MIDEAS: variants seen among roughly 807,000 people sequenced by gnomAD.
MIDEAS encodes the protein mitotic deacetylase associated SANT domain protein, also known as mitotic deacetylase-associated SANT domain protein.
MIDEAS carries 26 observed loss-of-function variants against 102.7 expected under a neutral mutation model. The observed-to-expected ratio is 0.25, with a 90% CI of 0.19 to 0.35. The LOEUF is 0.35. Ranked by LOEUF, MIDEAS falls within the 10% of genes least tolerant of loss-of-function variation. The pLI, the probability that MIDEAS is intolerant of heterozygous loss-of-function variation, is 1.00. For synonymous variants in MIDEAS, 585 were observed against 591.0 expected, an observed-to-expected ratio of 0.99 and a Z score of 0.15; for missense variants, 1,231 against 1,435.6, an observed-to-expected ratio of 0.86 and a Z score of 2.30.
rs1298411800 is a variant in MIDEAS at position 73,737,151 on chromosome 14, A to G, written c.1596T>C (p.Pro532=). The G allele has an allele frequency of 5.0e-6, 8 of 1,614,184 alleles. No individual in the cohort carries two copies. Among genetic ancestry groups the G allele is most frequent in the Non-Finnish European group, 6.8e-6 (8 of 1,180,026 alleles). ...MVPLIIPVSV[P]VRTVDPTEAA... ...CCTCAGTTGGGTCCACAGTTCGCACAGGCACAGACACTGGGATGATGAGGG... is the reference window on the plus strand; with the variant it reads ...CCTCAGTTGGGTCCACAGTTCGCACGGGCACAGACACTGGGATGATGAGGG... The change falls in exon 3 of 13, where the codon CCT becomes CCC. Residue 532 remains proline (P), a synonymous_variant. Coordinates refer to ENST00000423556, the MANE Select transcript of MIDEAS (RefSeq NM_001367710.1).
chr14:73,731,962 G>A (rs2140111008), intron 3 of MIDEAS, among the ~76,000 whole-genome samples: 1 of 152,366 alleles, frequency 6.6e-6, no homozygotes, highest in East Asian at 1.9e-4. Flanking sequence ...TGTAGTACAA[G>A]TACTCACAGG....
chr14:73,784,564 C>T (rs1202269715), intron 1 of MIDEAS, among the ~76,000 whole-genome samples: 3 of 152,226 alleles, frequency 2.0e-5, no homozygotes, highest in Non-Finnish European at 1.5e-5. Flanking sequence ...ACACAAAGCA[C>T]TGCAAACTCA....
chr14:73,727,078 G>A lies in MIDEAS; in HGVS notation c.2163-106C>T. ...GATGAGGGGGAGCCGGCAGAGCAAG[G>A]CCTCAGCTAGGTGTAGGGAGTCTGG... On this transcript the variant is annotated intron_variant, in intron 5 of 12. Coordinates refer to ENST00000423556, the MANE Select transcript of MIDEAS (RefSeq NM_001367710.1). 3 of 1,396,778 alleles carry A rather than the reference G, an allele frequency of 2.1e-6. No homozygotes were observed. The South Asian group carries it at 4.2e-5, about 19-fold the overall frequency. The allele number at this position is 1,396,778 out of a possible 1,614,324, so 86.5% of individuals were successfully genotyped here. A position where few individuals can be genotyped will look rare whatever the true frequency, so the allele number is the denominator to read the frequency against.
At chr14:73,719,222 T>TCCCCCGGCCCCCC in intron 12 of MIDEAS, 83 bp downstream of exon 12, 1 of 1,497,114 alleles carries the variant, frequency 6.7e-7, no homozygotes, top group Non-Finnish European at 8.9e-7. Flanking sequence ...CTGTACCTCT[T>TCCCCCGGCCCCCC]CCCCCTCCCC....
At chr14:73,766,101 C>T (rs955578011) in intron 1 of MIDEAS, among the ~76,000 whole-genome samples, 2 of 152,250 alleles carry the variant, frequency 1.3e-5, no homozygotes, top group Non-Finnish European at 2.9e-5. Flanking sequence ...GCACCCAAAC[C>T]TCTGTCTTTG....
At chr14:73,747,719 T>A (rs767876653) in intron 1 of MIDEAS, among the ~76,000 whole-genome samples, 4 of 151,626 alleles carry the variant, frequency 2.6e-5, no homozygotes, top group Non-Finnish European at 5.9e-5. Flanking sequence ...AAGAGCACGA[T>A]GGGGAATCTA....
At chr14:73,763,684 C>G (rs138844905), upstream of MIDEAS, among the ~76,000 whole-genome samples, 3 of 152,264 alleles carry the variant, frequency 2.0e-5, no homozygotes, top group East Asian at 5.8e-4. Flanking sequence ...GTCCCTATGT[C>G]CCTTGTGTTC....
At chr14:73,752,011 G>T (rs2053426075) in intron 1 of MIDEAS, among the ~76,000 whole-genome samples, 1 of 152,152 alleles carries the variant, frequency 6.6e-6, no homozygotes, top group Non-Finnish European at 1.5e-5. Context: ...GGTCAAATCA[G>T]GTCTCTGCTT....
chr14:73,777,898 G>A (rs2053705979), intron 1 of MIDEAS, among the ~76,000 whole-genome samples: 1 of 151,958 alleles, frequency 6.6e-6, no homozygotes, highest in South Asian at 2.1e-4. Context: ...GACTTTTGTA[G>A]ATGTTTGTCT....
At chr14:73,743,767 G>A (rs1003052512) in intron 1 of MIDEAS, among the ~76,000 whole-genome samples, 11 of 152,078 alleles carry the variant, frequency 7.2e-5, no homozygotes, top group Admixed American at 1.3e-4. Context: ...CAGCTGCAGG[G>A]CCTCTGACAA....
intron 5 of MIDEAS, 132 bp from the exon 6 acceptor site, chr14:73,727,104 C>A: frequency 8.6e-7 from 1 of 1,164,704 alleles, no homozygotes; most frequent in Non-Finnish European, 1.2e-6. Flanking sequence ...GGGAGTCTGG[C>A]TTCTAGGGGC....
Position 73,722,740 on chromosome 14 carries a change from G to C in MIDEAS, c.2682C>G (p.Ser894Arg). ...GTLTFGDVDT[S>R]DEKSAQEEVE... ...CCTCTTCCTGGGCCGACTTCTCATC[G>C]CTCGTATCCACATCCCCAAAGGTTA... The change falls in exon 10 of 13, where the codon AGC (serine) becomes AGG (arginine). Residue 894 changes from serine (S) to arginine (R), a missense_variant. By Grantham distance (110) the Ser-to-Arg change is moderately radical. Coordinates refer to ENST00000423556, the MANE Select transcript of MIDEAS (RefSeq NM_001367710.1). 4 of 1,614,120 alleles carry C rather than the reference G, an allele frequency of 2.5e-6. No individual in the cohort carries two copies. Among genetic ancestry groups the C allele is most frequent in the Non-Finnish European group, 3.4e-6 (4 of 1,180,014 alleles).
intron 3 of MIDEAS, among the ~76,000 whole-genome samples, chr14:73,733,856 G>A (rs756738358): frequency 1.1e-4 from 16 of 150,342 alleles, no homozygotes; most frequent in Non-Finnish European, 2.4e-4. Context: ...CATCATGCCC[G>A]GCTAATTTTT....
intron 1 of MIDEAS, among the ~76,000 whole-genome samples, chr14:73,783,416 C>T (rs1595304551): frequency 6.6e-6 from 1 of 152,102 alleles, no homozygotes; most frequent in Non-Finnish European, 1.5e-5. Context: ...TGGACAAACA[C>T]ACAGAGTGGG....
chr14:73,732,660 C>A (rs537696161), intron 3 of MIDEAS, among the ~76,000 whole-genome samples: 1 of 151,000 alleles, frequency 6.6e-6, no homozygotes, highest in African/African-American at 2.4e-5. Context: ...GTGGTGGGCG[C>A]CTGTAATCCC....
rs567216270 is a variant in MIDEAS at position 73,785,016 on chromosome 14, T to C, written c.-248+2086A>G. Among the ~76,000 whole-genome samples the C allele has an allele frequency of 1.3e-4, 20 of 152,268 alleles. 1 individual carries two copies. The highest frequency in any genetic ancestry group is 1.9e-4 in the East Asian group (1 of 5,174). Reference sequence around the variant, plus strand: ...GATACTTGGCTGGAAAGGCCAGGCATTGGAGAAACTCCAGTGCACTGGAAT... The same window carrying C: ...GATACTTGGCTGGAAAGGCCAGGCACTGGAGAAACTCCAGTGCACTGGAAT... On this transcript the variant is annotated intron_variant, in intron 1 of 11. Coordinates refer to the MIDEAS transcript ENST00000394071.
chr14:73,753,377 G>A (rs1402294146), intron 1 of MIDEAS, among the ~76,000 whole-genome samples: 2 of 152,234 alleles, frequency 1.3e-5, no homozygotes, highest in African/African-American at 2.4e-5. Flanking sequence ...AATAGCCGGA[G>A]GAAGTGTGGG....
chr14:73,769,914 GT>G (rs79392378), intron 1 of MIDEAS, among the ~76,000 whole-genome samples: 3 of 116,926 alleles, frequency 2.6e-5, no homozygotes. Flanking sequence ...TTTTTTTTTT[GT>G]TTTTTTTTTT....
chr14:73,764,818 C>T (rs2053581114), upstream of MIDEAS, among the ~76,000 whole-genome samples: 1 of 152,252 alleles, frequency 6.6e-6, no homozygotes, highest in Admixed American at 6.5e-5. Flanking sequence ...GTCTGTGTCC[C>T]TGGCCCTCCC....
Sources: gnomAD v4.1 joint callset for allele counts (sites outside exome capture counted in the v4.1 genomes callset) on GRCh38, gnomAD v4.1.1 for gene constraint, MANE v1.5 for transcripts, NCBI Gene and HGNC (gene_info 2026-07-23, HGNC 2026-07-21) for gene names.